Variants in SH3TC2 observed in about 807,000 individuals in gnomAD.
The protein encoded by SH3TC2 is SH3 domain and tetratricopeptide repeat-containing protein 2.
SH3TC2 carries 87 observed loss-of-function variants against 124.5 expected under a neutral mutation model. The ratio of observed to expected loss-of-function variants is 0.70; its 90% CI spans 0.59 to 0.84. The LOEUF is 0.84. Ranked by LOEUF, SH3TC2 falls within the 40% of genes least tolerant of loss-of-function variation. The pLI is 0.00. For missense variants in SH3TC2, 1,536 were observed against 1,566.4 expected (o/e 0.98, Z 0.33); for synonymous variants, 634 against 628.5 (o/e 1.01, Z -0.13).
At chr5:149,008,749 CCA>C in intron 15 of SH3TC2, 100 bp downstream of exon 15, 1 of 1,532,286 alleles carries the variant, frequency 6.5e-7, no homozygotes, top group Non-Finnish European at 9.0e-7. Flanking sequence ...GGATTTGAAC[CCA>C]CACAGTCTGA....
chr5:149,040,643 G>T lies in SH3TC2; in HGVS notation c.766C>A (p.Leu256Ile), dbSNP rs771275835. 1 of 1,614,148 alleles carries T rather than the reference G, an allele frequency of 6.2e-7. No homozygotes were observed. Among genetic ancestry groups the T allele is most frequent in the Admixed American group, 1.7e-5 (1 of 60,018 alleles). ...FLKNYPGSCGLSRKRDWTGSY... is the reference protein window; with the variant it reads ...FLKNYPGSCGISRKRDWTGSY... ...CCTGTCCAATCCCTCTTCCTGGAAA[G>T]GCCACAGCTTCCTGGATAATTCTTT... The change falls in exon 7 of 17, where the codon CTT becomes ATT. Residue 256 changes from leucine (L) to isoleucine (I), a missense_variant. Transcript: ENST00000515425.
chr5:149,039,054 G>A (rs1164898465), intron 7 of SH3TC2, among the ~76,000 whole-genome samples: 1 of 152,186 alleles, frequency 6.6e-6, no homozygotes, highest in Non-Finnish European at 1.5e-5. Flanking sequence ...ACAATGCCTG[G>A]TACCTGGTCA....
intron 13 of SH3TC2, among the ~76,000 whole-genome samples, chr5:149,011,115 G>A (rs1370316850): frequency 5.9e-5 from 9 of 152,232 alleles, no homozygotes; most frequent in Non-Finnish European, 8.8e-5. Context: ...CACAGTTACA[G>A]GACCTCAAAT....
chr5:149,038,553 T>C, intron 7 of SH3TC2, 63 bp from the exon 8 acceptor site: 3 of 1,528,982 alleles, frequency 2.0e-6, no homozygotes, highest in Non-Finnish European at 2.7e-6. Context: ...CCCATCACCT[T>C]CCAATGCAAT....
At chr5:149,047,615 A>C in intron 3 of SH3TC2, 1 of 489,106 alleles carries the variant, frequency 2.0e-6, no homozygotes, top group South Asian at 2.0e-5. Context: ...GATCACAACT[A>C]ATAGAATATT....
chr5:149,042,676 C>T lies in SH3TC2; in HGVS notation c.529+18G>A. ...ATATCTGAATAAGATCCCATCTCTACCCCTATGCCACACTCACCTTCCTGT... is the reference window on the plus strand; with the variant it reads ...ATATCTGAATAAGATCCCATCTCTATCCCTATGCCACACTCACCTTCCTGT... On this transcript the variant is annotated intron_variant, in intron 5 of 16. Transcript: ENST00000515425. 6.2e-7 allele frequency: 1 copy of T among 1,613,938 alleles called. No individual in the cohort carries two copies. The highest frequency in any genetic ancestry group is 8.5e-7 in the Non-Finnish European group (1 of 1,179,882).
intron 16 of SH3TC2, 21 bp from the exon 17 acceptor site, chr5:149,004,923 C>A (rs1580886306): frequency 6.2e-7 from 1 of 1,613,906 alleles, no homozygotes; most frequent in Non-Finnish European, 8.5e-7. Context: ...GGTATGGGGG[C>A]AAAGAAGAGA....
At chr5:149,058,208 T>C (rs561962128) in intron 1 of SH3TC2, among the ~76,000 whole-genome samples, 12 of 152,340 alleles carry the variant, frequency 7.9e-5, no homozygotes, top group African/African-American at 2.9e-4. Flanking sequence ...TTATTATTGA[T>C]CAGAAAAAGT....
intron 16 of SH3TC2, 60 bp from the exon 17 acceptor site, chr5:149,004,962 C>T (rs1178496407): frequency 1.3e-6 from 2 of 1,595,668 alleles, no homozygotes; most frequent in Non-Finnish European, 1.7e-6. Context: ...CCAGGACAGG[C>T]TAGGAGGCTG....
chr5:149,042,180 T>C (rs1754382995), intron 5 of SH3TC2, among the ~76,000 whole-genome samples: 7 of 152,226 alleles, frequency 4.6e-5, no homozygotes, highest in Admixed American at 4.6e-4. Context: ...TGTTAATTGG[T>C]AGATGATAAC....
chr5:149,009,155 A>T (rs546446312), intron 14 of SH3TC2, among the ~76,000 whole-genome samples, 154 bp from the exon 15 acceptor site: 14 of 152,178 alleles, frequency 9.2e-5, no homozygotes, highest in South Asian at 8.3e-4. Flanking sequence ...CCTTTACTCA[A>T]CCCTCTCTCT....
At chr5:149,031,468 T>C in intron 9 of SH3TC2, 86 bp downstream of exon 9, 2 of 1,562,278 alleles carry the variant, frequency 1.3e-6, no homozygotes, top group Non-Finnish European at 1.8e-6. Context: ...GGATTAGAAT[T>C]TAGGGGTATT....
intron 2 of SH3TC2, 21 bp downstream of exon 2, chr5:149,052,121 T>G: frequency 1.3e-6 from 2 of 1,521,672 alleles, no homozygotes; most frequent in Non-Finnish European, 1.8e-6. Flanking sequence ...AGAATAGGGC[T>G]TGTCTTTGGC....
In SH3TC2 at chr5:149,044,525, T is replaced by C. The variant is rs776709939; in HGVS notation, c.385+8A>G. On this transcript the variant is annotated splice_region_variant and intron_variant, in intron 4 of 16. Coordinates refer to ENST00000515425, the MANE Select transcript of SH3TC2 (RefSeq NM_024577.4). Reference sequence around the variant, plus strand: ...GGTCATCCTCCACCTGCTTGCCTTGTACCATACCTAAATTAAGGTAGGTGG... The same window carrying C: ...GGTCATCCTCCACCTGCTTGCCTTGCACCATACCTAAATTAAGGTAGGTGG... 2 of 1,608,030 alleles carry C rather than the reference T, an allele frequency of 1.2e-6. No homozygotes were observed. The highest frequency in any genetic ancestry group is 1.7e-6 in the Non-Finnish European group (2 of 1,176,298).
At chr5:149,014,715 C>A (rs1299026901) in intron 12 of SH3TC2, among the ~76,000 whole-genome samples, 1 of 152,224 alleles carries the variant, frequency 6.6e-6, no homozygotes, top group Non-Finnish European at 1.5e-5. Flanking sequence ...AAACTCCACA[C>A]CATGCTGCAG....
In SH3TC2 at chr5:149,063,018, C is replaced by T. The variant is rs1190323880; in HGVS notation, c.5G>A (p.Gly2Asp). The change falls in exon 1 of 17, where the codon GGT becomes GAT. Residue 2 changes from glycine to aspartate, a missense_variant. Transcript: ENST00000515425. M[G>D]GCFCIPRERS... ...CTCCCTGGGGATGCAGAAGCAGCCA[C>T]CCATGTGTGTACCATCCTACCCTGG... The T allele has an allele frequency of 1.2e-6, 2 of 1,600,728 alleles. No individual in the cohort carries two copies. Among genetic ancestry groups the T allele is most frequent in the South Asian group, 1.1e-5 (1 of 88,284 alleles).
In SH3TC2 at chr5:149,023,759, AT is replaced by A. The variant is rs369373039; in HGVS notation, c.3053+2812del. On this transcript the variant is annotated intron_variant, in intron 12 of 16. Coordinates refer to ENST00000515425, the MANE Select transcript of SH3TC2 (RefSeq NM_024577.4). ...CACCATGCCTGGCTAACTTTTTTGT[AT>A]CTTTGGTAGAGATGGGGTTTCACCA... is the stretch of plus-strand genomic sequence containing the variant. Among the ~76,000 whole-genome samples the A allele has an allele frequency of 7.3e-3, 1,109 of 151,892 alleles. 10 individuals carry two copies. The highest frequency in any genetic ancestry group is 0.026 in the African/African-American group (1,075 of 41,390).
Position 149,031,552 on chromosome 5 carries a change from A to G in SH3TC2, c.1135+2T>C. On this transcript the variant is annotated splice_donor_variant, in intron 9 of 16. Transcript: ENST00000515425. LOFTEE classifies it high-confidence loss of function. ...TGAAGGTGTCTGAGGACCAACACTCACTGAGCCGGTAGACAGATGTGATGT... is the reference window on the plus strand; with the variant it reads ...TGAAGGTGTCTGAGGACCAACACTCGCTGAGCCGGTAGACAGATGTGATGT... 1 of 1,614,064 alleles carries G rather than the reference A, an allele frequency of 6.2e-7. No individual in the cohort carries two copies. Among genetic ancestry groups the G allele is most frequent in the African/African-American group, 1.3e-5 (1 of 75,008 alleles).
At chr5:149,019,737 G>A (rs996035491) in intron 12 of SH3TC2, among the ~76,000 whole-genome samples, 7 of 152,150 alleles carry the variant, frequency 4.6e-5, no homozygotes, top group Non-Finnish European at 8.8e-5. Context: ...ATCTTGTTAC[G>A]AAAGTGAGCT....
Sources: gnomAD v4.1 joint callset for allele counts (sites outside exome capture counted in the v4.1 genomes callset) on GRCh38, gnomAD v4.1.1 for gene constraint, MANE v1.5 for transcripts, NCBI Gene and HGNC (gene_info 2026-07-23, HGNC 2026-07-21) for gene names.